APLP2: variants seen among roughly 807,000 people sequenced by gnomAD.
APLP2 encodes CDEI box-binding protein.
In APLP2, 53 loss-of-function variants were observed where a neutral mutation model predicts 89.9. The ratio of observed to expected loss-of-function variants is 0.59; its 90% CI spans 0.47 to 0.74. APLP2 has a LOEUF of 0.74. Ranked by LOEUF, APLP2 falls within the 30% of genes least tolerant of loss-of-function variation. The probability of loss-of-function intolerance (pLI) is 0.00; values close to 1 mark genes in which losing one functional copy is unlikely to be tolerated. For missense variants in APLP2, 973 were observed against 975.9 expected (o/e 1.00, Z 0.04); for synonymous variants, 372 against 348.6 (o/e 1.07, Z -0.75).
chr11:130,141,792 A>C lies in APLP2; in HGVS notation c.1999-127A>C. On this transcript the variant is annotated intron_variant, in intron 15 of 16. Transcript: ENST00000338167. The surrounding 1 kb of genome is among the most constrained non-coding windows in gnomAD (Gnocchi z 4.2). Reference sequence around the variant, plus strand: ...ACCTGTGGGTGGTTCCCTGCAAAGCAGGATCTTGGTGCTACTTTGGGTTTT... The same window carrying C: ...ACCTGTGGGTGGTTCCCTGCAAAGCCGGATCTTGGTGCTACTTTGGGTTTT... 8.5e-7 allele frequency: 1 copy of C among 1,181,672 alleles called. No individual in the cohort carries two copies. The highest frequency in any genetic ancestry group is 1.2e-6 in the Non-Finnish European group (1 of 839,128). The allele number at this position is 1,181,672 out of a possible 1,614,324, so 73.2% of individuals were successfully genotyped here.
chr11:130,103,274 C>A (rs1015624390), intron 1 of APLP2, among the ~76,000 whole-genome samples: 6 of 152,142 alleles, frequency 3.9e-5, no homozygotes, highest in African/African-American at 9.7e-5. Flanking sequence ...AAACATGGTC[C>A]ACAGAGGCTT....
intron 1 of APLP2, among the ~76,000 whole-genome samples, chr11:130,092,908 C>T (rs1444986855): frequency 6.6e-6 from 1 of 152,172 alleles, no homozygotes; most frequent in Non-Finnish European, 1.5e-5. Flanking sequence ...CAAGTAAAAG[C>T]AACCTCATTT....
At chr11:130,103,297 A>C (rs763066497) in intron 1 of APLP2, among the ~76,000 whole-genome samples, 27 of 152,158 alleles carry the variant, frequency 1.8e-4, no homozygotes, top group Non-Finnish European at 3.8e-4. Flanking sequence ...TATATTTCCG[A>C]TGATACCTTC....
chr11:130,101,022 G>T (rs1946841309), intron 1 of APLP2, among the ~76,000 whole-genome samples: 1 of 151,744 alleles, frequency 6.6e-6, no homozygotes, highest in Non-Finnish European at 1.5e-5. Flanking sequence ...GTTTCAAACT[G>T]TGGTCACTGT....
Position 130,070,483 on chromosome 11 carries a change from G to C in APLP2, c.105+401G>C, listed in dbSNP as rs61216509. On this transcript the variant is annotated intron_variant, in intron 1 of 16. Coordinates refer to ENST00000338167, the MANE Select transcript of APLP2 (RefSeq NM_001142276.2). ...CCGCGGCTGGGCTTTCTCCAGGGGC[G>C]GCCCCGCGCGGACCCCGTACGCTCC... The C allele has an allele frequency of 4.2e-3, 4,716 of 1,128,140 alleles. 141 individuals are homozygous for C. The African/African-American group carries it at 0.066, about 16-fold the overall frequency. 69.9% of individuals were successfully genotyped at this position (1,128,140 alleles called of 1,614,324 possible). A position where few individuals can be genotyped will look rare whatever the true frequency, so the allele number is the denominator to read the frequency against.
At position 130,123,912 on chromosome 11, in the gene APLP2, C is replaced by T. The variant is rs1282698865; in HGVS notation, c.1090+133C>T. On this transcript the variant is annotated intron_variant, in intron 7 of 16. Transcript: ENST00000338167. This position sits in a 1 kb window ranked among gnomAD's most constrained non-coding sequence, Gnocchi z 4.0. Reference sequence around the variant, plus strand: ...TGTTTGCTGTCGGTCGTCTTCCCCTCATCTTTGTGCTTTCTAGATCTAGGC... The same window carrying T: ...TGTTTGCTGTCGGTCGTCTTCCCCTTATCTTTGTGCTTTCTAGATCTAGGC... The T allele has an allele frequency of 1.0e-6, 1 of 959,252 alleles. No homozygotes were observed. Among genetic ancestry groups the T allele is most frequent in the Non-Finnish European group, 1.6e-6 (1 of 636,364 alleles). 59.4% of individuals were successfully genotyped at this position (959,252 alleles called of 1,614,324 possible). A position where few individuals can be genotyped will look rare whatever the true frequency, so the allele number is the denominator to read the frequency against.
At chr11:130,091,845 C>A (rs1231193924) in intron 1 of APLP2, among the ~76,000 whole-genome samples, 2 of 146,694 alleles carry the variant, frequency 1.4e-5, no homozygotes, top group Admixed American at 6.6e-5. Flanking sequence ...CCCTCCCGGA[C>A]GGGGTGGCTG....
intron 1 of APLP2, among the ~76,000 whole-genome samples, chr11:130,105,320 G>GC (rs1214669890): frequency 6.6e-6 from 1 of 152,154 alleles, no homozygotes; most frequent in Non-Finnish European, 1.5e-5. Flanking sequence ...GGAGATTAAG[G>GC]CTGGAGGATG....
Position 130,144,337 on chromosome 11 carries a change from G to A in APLP2, c.*889G>A, listed in dbSNP as rs1419961902. On this transcript the variant is annotated 3_prime_UTR_variant, in exon 17 of 17. Coordinates refer to ENST00000338167, the MANE Select transcript of APLP2 (RefSeq NM_001142276.2). ...GGCACTGACCCTCGGCCTCTACTTT[G>A]TCCCCTCACCTCCACCCCCTCCTGT... 6.6e-6 allele frequency: 1 copy of A among 152,250 alleles called. No homozygotes were observed. The highest frequency in any genetic ancestry group is 1.5e-5 in the Non-Finnish European group (1 of 68,160). 9.4% of individuals were successfully genotyped at this position (152,250 alleles called of 1,614,324 possible). A position where few individuals can be genotyped will look rare whatever the true frequency, so the allele number is the denominator to read the frequency against.
chr11:130,121,175 C>T (rs1270768444), intron 4 of APLP2, among the ~76,000 whole-genome samples: 1 of 152,198 alleles, frequency 6.6e-6, no homozygotes, highest in Admixed American at 6.5e-5. Context: ...GGCAGGACTG[C>T]ATGCCATCTC....
At chr11:130,127,926 G>A in intron 9 of APLP2, 86 bp downstream of exon 9, 2 of 1,131,116 alleles carry the variant, frequency 1.8e-6, no homozygotes, top group Non-Finnish European at 2.6e-6. Flanking sequence ...AATTAGGATT[G>A]GACACCACCT....
chr11:130,098,330 G>A (rs1006888568), intron 1 of APLP2, among the ~76,000 whole-genome samples: 1 of 152,012 alleles, frequency 6.6e-6, no homozygotes, highest in East Asian at 1.9e-4. Flanking sequence ...GCTAGAACCC[G>A]GGAGTCGGAG....
At chr11:130,113,278 T>C (rs890203991) in intron 3 of APLP2, among the ~76,000 whole-genome samples, 1 of 152,240 alleles carries the variant, frequency 6.6e-6, no homozygotes, top group Admixed American at 6.5e-5. Flanking sequence ...TTTTATTGCT[T>C]TATTTCCCAA....
chr11:130,119,451 T>C (rs1949577666), intron 3 of APLP2, among the ~76,000 whole-genome samples: 2 of 152,198 alleles, frequency 1.3e-5, no homozygotes, highest in African/African-American at 2.4e-5. Flanking sequence ...CAAGAGACGA[T>C]GATACCGTTC....
chr11:130,102,411 C>T (rs1467234519), intron 1 of APLP2, among the ~76,000 whole-genome samples: 1 of 152,200 alleles, frequency 6.6e-6, no homozygotes, highest in Non-Finnish European at 1.5e-5. Flanking sequence ...CAGGGTGAAA[C>T]TTGAATACTC....
intron 1 of APLP2, among the ~76,000 whole-genome samples, chr11:130,093,131 G>A (rs1186698474): frequency 1.3e-5 from 2 of 152,184 alleles, no homozygotes; most frequent in East Asian, 3.9e-4. Flanking sequence ...CCCTAACCAG[G>A]CCCGGGGCAG....
In APLP2 at chr11:130,142,079, G is replaced by A; in HGVS notation, c.2154+5G>A. Reference sequence around the variant, plus strand: ...ATCAGCCACGGGATCGTGGAGGTGAGGAGCTGGGCTGCTGAGGGCCTGCTC... The same window carrying A: ...ATCAGCCACGGGATCGTGGAGGTGAAGAGCTGGGCTGCTGAGGGCCTGCTC... On this transcript the variant is annotated splice_donor_5th_base_variant and intron_variant, in intron 16 of 16. Coordinates refer to ENST00000338167, the MANE Select transcript of APLP2 (RefSeq NM_001142276.2). The A allele has an allele frequency of 6.2e-7, 1 of 1,610,556 alleles. No homozygotes were observed. Among genetic ancestry groups the A allele is most frequent in the Non-Finnish European group, 8.5e-7 (1 of 1,178,670 alleles).
Position 130,143,526 on chromosome 11 carries a change from C to G in APLP2, c.*78C>G. 8.0e-7 allele frequency: 1 copy of G among 1,253,978 alleles called. No individual in the cohort carries two copies. The highest frequency in any genetic ancestry group is 1.2e-6 in the Non-Finnish European group (1 of 860,314). The allele number at this position is 1,253,978 out of a possible 1,614,324, so 77.7% of individuals were successfully genotyped here. On this transcript the variant is annotated 3_prime_UTR_variant, in exon 17 of 17. Transcript: ENST00000338167. ...CCCACGATTCCGATCGACTGCCAAG[C>G]AGCAGCCGCTGCCAGGGGCTGCGTC...
intron 1 of APLP2, chr11:130,101,586 G>T: frequency 5.9e-6 from 1 of 168,706 alleles, no homozygotes; most frequent in Non-Finnish European, 1.3e-5. Context: ...TGACAGATGA[G>T]ACTCTTAATA....
Sources: gnomAD v4.1 joint callset for allele counts (sites outside exome capture counted in the v4.1 genomes callset) on GRCh38, gnomAD v4.1.1 for gene constraint, Gnocchi (gnomAD v3.1) non-coding constraint, MANE v1.5 for transcripts, NCBI Gene and HGNC (gene_info 2026-07-23, HGNC 2026-07-21) for gene names.